RPH3A: variants seen among roughly 807,000 people sequenced by gnomAD.
The protein encoded by RPH3A is rabphilin-3A.
In RPH3A, 48 loss-of-function variants were observed where a neutral mutation model predicts 102.2. The ratio of observed to expected loss-of-function variants is 0.47; its 90% CI spans 0.37 to 0.60. The LOEUF (loss-of-function observed/expected upper bound fraction) is 0.60. Among genes scored for constraint, RPH3A ranks in the 20% least tolerant of loss-of-function variants. RPH3A has a pLI of 0.00. For synonymous variants in RPH3A, 310 were observed against 324.3 expected, an observed-to-expected ratio of 0.96 and a Z score of 0.47; for missense variants, 781 against 910.1, an observed-to-expected ratio of 0.86 and a Z score of 1.83.
intron 1 of RPH3A, among the ~76,000 whole-genome samples, chr12:112,595,950 T>C (rs1033784647): frequency 1.3e-5 from 2 of 152,222 alleles, no homozygotes; most frequent in Non-Finnish European, 2.9e-5. Flanking sequence ...CTGACACTAC[T>C]GGAGAGACTA....
chr12:112,665,728 A>T (rs1417056626), intron 1 of RPH3A, among the ~76,000 whole-genome samples: 4 of 152,150 alleles, frequency 2.6e-5, no homozygotes, highest in Admixed American at 6.5e-5. Context: ...TTTCTTCCCC[A>T]ATCTCAGGCT....
intron 1 of RPH3A, among the ~76,000 whole-genome samples, chr12:112,728,326 T>G (rs1034705375): frequency 1.3e-5 from 2 of 151,934 alleles, no homozygotes; most frequent in Non-Finnish European, 1.5e-5. Context: ...AATTTCTCTT[T>G]CATGTTTTCA....
chr12:112,580,447 A>G (rs113008351), intron 1 of RPH3A, among the ~76,000 whole-genome samples: 14,094 of 126,720 alleles, frequency 0.11, 769 homozygotes, highest in Middle Eastern at 0.22. Flanking sequence ...TCTGTCGCCC[A>G]GGCTGGAGTG....
chr12:112,593,549 A>G (rs115633582), intron 1 of RPH3A, among the ~76,000 whole-genome samples: 244 of 152,340 alleles, frequency 1.6e-3, no homozygotes, highest in African/African-American at 5.7e-3. Context: ...GCCAGTGCTC[A>G]AGAAATATTA....
In RPH3A at chr12:112,712,904, C is replaced by CTTCTTCTTCTTCTTCTTCTTCT. The variant is rs2040475211; in HGVS notation, c.-139-79238_-139-79237insTCTTCTTCTTCTTCTTCTTCTT. Among the ~76,000 whole-genome samples the CTTCTTCTTCTTCTTCTTCTTCT allele has an allele frequency of 4.3e-5, 4 of 92,566 alleles. 1 individual carries two copies. In the East Asian group the frequency reaches 9.8e-4, roughly 23 times the overall value. The allele number at this position is 92,566 out of a possible 152,430, so 60.7% of individuals were successfully genotyped here. A position where few individuals can be genotyped will look rare whatever the true frequency, so the allele number is the denominator to read the frequency against. On this transcript the variant is annotated intron_variant, in intron 1 of 21. Transcript: ENST00000543106. ...TTTCTTCTTCTTCTTCTTCTTCTTC[C>CTTCTTCTTCTTCTTCTTCTTCT]TCTTCTTCTTCTTCTTCTTCCTCTT...
chr12:112,641,599 G>A lies in RPH3A; in HGVS notation c.-140+66280G>A, dbSNP rs149449235. ...TTTAGTAGAGACAGGGTTTCATCAT[G>A]TTGGTCAGGTTGGTCTCAAACTCCT... is the stretch of plus-strand genomic sequence containing the variant. On this transcript the variant is annotated intron_variant, in intron 1 of 21. Coordinates refer to the RPH3A transcript ENST00000543106. 7.8e-3 allele frequency among the ~76,000 whole-genome samples: 1,181 copies of A among 152,264 alleles called. 13 individuals carry two copies. Among genetic ancestry groups the A allele is most frequent in the African/African-American group, 0.027 (1,123 of 41,530 alleles).
Position 112,667,662 on chromosome 12 carries a change from A to AAGAGAGAG in RPH3A, c.-140+92395_-140+92402dup, listed in dbSNP as rs71086114. ...CACCATTCATGGGCAGAGATGAATA[A>AAGAGAGAG]AGAGAGAGAGAGAGAGAGAGAGAGA... On this transcript the variant is annotated intron_variant, in intron 1 of 21. Transcript: ENST00000543106. Among the ~76,000 whole-genome samples the AAGAGAGAG allele has an allele frequency of 8.7e-4, 63 of 72,828 alleles. 1 individual carries two copies. The highest frequency in any genetic ancestry group is 2.0e-3 in the South Asian group (4 of 1,958). The allele number at this position is 72,828 out of a possible 152,430, so 47.8% of individuals were successfully genotyped here.
At chr12:112,588,774 C>T (rs1168734182) in intron 1 of RPH3A, among the ~76,000 whole-genome samples, 5 of 152,040 alleles carry the variant, frequency 3.3e-5, no homozygotes, top group Non-Finnish European at 5.9e-5. Context: ...TAGAACTGAA[C>T]CCAGATCCCA....
intron 3 of RPH3A, among the ~76,000 whole-genome samples, chr12:112,830,127 C>A (rs1241684199): frequency 6.6e-6 from 1 of 152,078 alleles, no homozygotes; most frequent in Non-Finnish European, 1.5e-5. Context: ...ATATTTACCT[C>A]TTTAATATAA....
chr12:112,682,040 T>C (rs2136016852), intron 1 of RPH3A, among the ~76,000 whole-genome samples: 1 of 152,372 alleles, frequency 6.6e-6, no homozygotes, highest in African/African-American at 2.4e-5. Context: ...CAAATAAGCC[T>C]GTAAGTTTCA....
chr12:112,788,952 A>G (rs1385661500), upstream of RPH3A, among the ~76,000 whole-genome samples: 2 of 152,160 alleles, frequency 1.3e-5, no homozygotes, highest in African/African-American at 4.8e-5. Flanking sequence ...TGAGGTCAGG[A>G]GTTCGAGACC....
chr12:112,743,941 G>A (rs2040726806), intron 1 of RPH3A, among the ~76,000 whole-genome samples: 1 of 152,186 alleles, frequency 6.6e-6, no homozygotes, highest in African/African-American at 2.4e-5. Context: ...CTCAGGCTCT[G>A]AGCCTGATTA....
chr12:112,649,696 C>T (rs1274379080), intron 1 of RPH3A, among the ~76,000 whole-genome samples: 1 of 152,144 alleles, frequency 6.6e-6, no homozygotes. Context: ...TTGTATTAGC[C>T]TGTTACGGCT....
At chr12:112,577,457 G>A (rs1281243464) in intron 1 of RPH3A, among the ~76,000 whole-genome samples, 1 of 152,180 alleles carries the variant, frequency 6.6e-6, no homozygotes, top group Non-Finnish European at 1.5e-5. Context: ...GAGCAGTGAG[G>A]ATGATCAGAG....
At chr12:112,780,053 C>T (rs773920559) in intron 1 of RPH3A, among the ~76,000 whole-genome samples, 13 of 152,170 alleles carry the variant, frequency 8.5e-5, no homozygotes, top group African/African-American at 1.9e-4. Flanking sequence ...AGAGCGAACA[C>T]GGCCCTGCTG....
intron 5 of RPH3A, among the ~76,000 whole-genome samples, chr12:112,864,908 C>A (rs1321679140): frequency 2.0e-5 from 3 of 152,044 alleles, no homozygotes; most frequent in Non-Finnish European, 2.9e-5. Context: ...CAAGGAAGAC[C>A]CCCCTGCCAC....
intron 14 of RPH3A, among the ~76,000 whole-genome samples, chr12:112,880,507 A>T (rs1025198164): frequency 6.6e-6 from 1 of 152,188 alleles, no homozygotes; most frequent in Admixed American, 6.5e-5. Flanking sequence ...CTGGTAAGGG[A>T]TGGAGCCCAT....
At chr12:112,622,032 G>A (rs1313256472) in intron 1 of RPH3A, among the ~76,000 whole-genome samples, 1 of 150,770 alleles carries the variant, frequency 6.6e-6, no homozygotes, top group Admixed American at 6.6e-5. Flanking sequence ...AAACAGAAAG[G>A]ACATCCACAC....
intron 1 of RPH3A, among the ~76,000 whole-genome samples, chr12:112,776,612 C>G (rs904771258): frequency 6.6e-6 from 1 of 152,004 alleles, no homozygotes; most frequent in African/African-American, 2.4e-5. Context: ...CAATGGCTCA[C>G]GCCTGTAATC....
Sources: gnomAD v4.1 joint callset for allele counts (sites outside exome capture counted in the v4.1 genomes callset) on GRCh38, gnomAD v4.1.1 for gene constraint, MANE v1.5 for transcripts, NCBI Gene and HGNC (gene_info 2026-07-23, HGNC 2026-07-21) for gene names.